HIBADH: variants seen among roughly 807,000 people sequenced by gnomAD.
HIBADH encodes the protein 3-hydroxyisobutyrate dehydrogenase.
Under a neutral mutation model 36.1 loss-of-function variants are expected in HIBADH, and 25 were observed. That is an observed-to-expected ratio of 0.69 (90% confidence interval 0.50 to 0.97). The LOEUF (loss-of-function observed/expected upper bound fraction) is 0.97. HIBADH is among the 50% of genes least tolerant of loss of function. The probability of loss-of-function intolerance (pLI) is 0.00; values close to 1 mark genes in which losing one functional copy is unlikely to be tolerated. For missense variants in HIBADH, 421 were observed against 418.0 expected (o/e 1.01, Z -0.06); for synonymous variants, 160 against 149.5 (o/e 1.07, Z -0.51).
intron 5 of HIBADH, among the ~76,000 whole-genome samples, chr7:27,542,459 T>C (rs76489003): frequency 3.5e-5 from 5 of 144,726 alleles, no homozygotes; most frequent in Non-Finnish European, 7.5e-5. Context: ...TTTTTTTTTT[T>C]TTTTTGAGAT....
At chr7:27,659,095 T>A (rs1786364800) in intron 1 of HIBADH, among the ~76,000 whole-genome samples, 1 of 152,218 alleles carries the variant, frequency 6.6e-6, no homozygotes, top group Non-Finnish European at 1.5e-5. Context: ...AAATTTCACA[T>A]ATACAAAAAG....
intron 4 of HIBADH, among the ~76,000 whole-genome samples, chr7:27,587,131 C>T (rs901423354): frequency 6.6e-6 from 1 of 152,194 alleles, no homozygotes; most frequent in Admixed American, 6.5e-5. Context: ...CTCCTAGAAC[C>T]GATCTCACAC....
intron 4 of HIBADH, among the ~76,000 whole-genome samples, chr7:27,601,284 G>T (rs542680231): frequency 6.6e-6 from 1 of 152,138 alleles, no homozygotes; most frequent in African/African-American, 2.4e-5. Context: ...ACTACTGAAA[G>T]ATTATATATA....
At chr7:27,585,113 CTATAAA>C (rs1325580354) in intron 4 of HIBADH, among the ~76,000 whole-genome samples, 4 of 151,486 alleles carry the variant, frequency 2.6e-5, no homozygotes, top group East Asian at 1.9e-4. Flanking sequence ...ATTTATAGAC[CTATAAA>C]TATAGAGCTT....
At chr7:27,528,579 A>G (rs919352397) in intron 7 of HIBADH, among the ~76,000 whole-genome samples, 3 of 152,244 alleles carry the variant, frequency 2.0e-5, no homozygotes, top group Admixed American at 1.3e-4. Context: ...ACAAGGCCCT[A>G]ACTTTCTTCA....
At chr7:27,626,104 GAAAAAAAAAAAA>G (rs70994672) in intron 4 of HIBADH, among the ~76,000 whole-genome samples, 1 of 72,496 alleles carries the variant, frequency 1.4e-5, no homozygotes, top group African/African-American at 5.4e-5. Context: ...CTCCGTCTCA[GAAAAAAAAAAAA>G]AAAAAAAAAA....
At chr7:27,574,268 C>T (rs1033526263) in intron 4 of HIBADH, among the ~76,000 whole-genome samples, 46 of 149,012 alleles carry the variant, frequency 3.1e-4, no homozygotes, top group African/African-American at 1.1e-3. Flanking sequence ...GATCCCACAG[C>T]TTAGAAAAGG....
At chr7:27,584,231 A>G (rs1246738967) in intron 4 of HIBADH, among the ~76,000 whole-genome samples, 1 of 152,042 alleles carries the variant, frequency 6.6e-6, no homozygotes, top group African/African-American at 2.4e-5. Context: ...ATTAAAATCT[A>G]TCCCTCTATT....
rs1024462321 is a variant in HIBADH, at chr7:27,594,150, T to G, written c.484+35221A>C. ...GTTACATAAAGATGTTTTTGTTTTT[T>G]TGTTTTTTTTCTGAAACAGAGTTTC... On this transcript the variant is annotated intron_variant, in intron 4 of 7. Transcript: ENST00000265395. 5.7e-5 allele frequency among the ~76,000 whole-genome samples: 8 copies of G among 140,852 alleles called. 1 individual carries two copies. The highest frequency in any genetic ancestry group is 2.2e-4 in the South Asian group (1 of 4,552). The allele number at this position is 140,852 out of a possible 152,430, so 92.4% of individuals were successfully genotyped here. A position where few individuals can be genotyped will look rare whatever the true frequency, so the allele number is the denominator to read the frequency against.
At chr7:27,601,276 T>C (rs992044059) in intron 4 of HIBADH, among the ~76,000 whole-genome samples, 1 of 152,100 alleles carries the variant, frequency 6.6e-6, no homozygotes, top group African/African-American at 2.4e-5. Context: ...TTGATGAAAC[T>C]ACTGAAAGAT....
chr7:27,574,914 C>CTGTT (rs1271703944), intron 4 of HIBADH, among the ~76,000 whole-genome samples: 1 of 152,048 alleles, frequency 6.6e-6, no homozygotes, highest in African/African-American at 2.4e-5. Context: ...TAATAGAGAA[C>CTGTT]TGTTTGTATT....
chr7:27,660,575 G>C (rs1311987999), intron 1 of HIBADH, among the ~76,000 whole-genome samples: 1 of 152,054 alleles, frequency 6.6e-6, no homozygotes, highest in Non-Finnish European at 1.5e-5. Context: ...TGAGGCAGGA[G>C]AATGGCGTGA....
At chr7:27,550,329 T>C (rs1366372710) in intron 4 of HIBADH, among the ~76,000 whole-genome samples, 3 of 152,198 alleles carry the variant, frequency 2.0e-5, no homozygotes, top group Admixed American at 2.0e-4. Context: ...CTGTACCCTC[T>C]CTTCTGTCTT....
intron 4 of HIBADH, among the ~76,000 whole-genome samples, chr7:27,568,544 G>C (rs950534841): frequency 1.3e-5 from 2 of 151,898 alleles, no homozygotes; most frequent in African/African-American, 4.8e-5. Flanking sequence ...TGCAACCTTC[G>C]CCTCCAGGGT....
chr7:27,561,430 A>C (rs147074551), intron 4 of HIBADH, among the ~76,000 whole-genome samples: 10 of 152,280 alleles, frequency 6.6e-5, no homozygotes, highest in Admixed American at 5.9e-4. Flanking sequence ...TATAGGTTTT[A>C]ATTGTATTTT....
chr7:27,641,534 T>C (rs549852091), intron 2 of HIBADH, among the ~76,000 whole-genome samples: 1 of 152,328 alleles, frequency 6.6e-6, no homozygotes, highest in South Asian at 2.1e-4. Context: ...TTCCATCTCA[T>C]CCCAAGTCGT....
chr7:27,587,008 G>A (rs554582185), intron 4 of HIBADH, among the ~76,000 whole-genome samples: 34 of 152,322 alleles, frequency 2.2e-4, no homozygotes, highest in African/African-American at 7.9e-4. Context: ...GCATGGTCAC[G>A]TCCATCTGGA....
intron 4 of HIBADH, among the ~76,000 whole-genome samples, chr7:27,617,382 T>G (rs1785449373): frequency 6.6e-6 from 1 of 152,160 alleles, no homozygotes; most frequent in Non-Finnish European, 1.5e-5. Flanking sequence ...TGCTTAACAT[T>G]AAGTGACACA....
chr7:27,637,450 T>C (rs1453065778), intron 2 of HIBADH, among the ~76,000 whole-genome samples: 9 of 152,242 alleles, frequency 5.9e-5, no homozygotes, highest in Non-Finnish European at 1.3e-4. Context: ...GAAACACGAA[T>C]ATAATAAAGG....
Sources: gnomAD v4.1 joint callset for allele counts (sites outside exome capture counted in the v4.1 genomes callset) on GRCh38, gnomAD v4.1.1 for gene constraint, MANE v1.5 for transcripts, NCBI Gene and HGNC (gene_info 2026-07-23, HGNC 2026-07-21) for gene names.